Variants in SLAMF7 observed in about 807,000 individuals in gnomAD.
SLAMF7 encodes SLAM family member 7.
A neutral mutation model predicts 34.1 loss-of-function variants in SLAMF7; 26 were observed. The observed-to-expected ratio is 0.76, with a 90% confidence interval of 0.56 to 1.06. SLAMF7 has a LOEUF of 1.06. SLAMF7 is among the 50% of genes least tolerant of loss of function. The pLI, the probability that SLAMF7 is intolerant of heterozygous loss-of-function variation, is 0.00. For missense variants in SLAMF7, 399 were observed against 402.5 expected (o/e 0.99, Z 0.07); for synonymous variants, 171 against 156.4 (o/e 1.09, Z -0.70).
Position 160,740,283 on chromosome 1 carries a change from T to TAA in SLAMF7, c.55+938_55+939dup, listed in dbSNP as rs66898718. Among the ~76,000 whole-genome samples the TAA allele has an allele frequency of 9.3e-3, 1,319 of 141,558 alleles. 11 individuals are homozygous for TAA. Among genetic ancestry groups the TAA allele is most frequent in the African/African-American group, 0.033 (1,261 of 37,890 alleles). The allele number at this position is 141,558 out of a possible 152,430, so 92.9% of individuals were successfully genotyped here. On this transcript the variant is annotated intron_variant, in intron 1 of 6. Coordinates refer to ENST00000368043, the MANE Select transcript of SLAMF7 (RefSeq NM_021181.5). ...GTGGTTCTGGAATAGGCCCTCACTTTAAAAAAAAAAAACAAAAAAAAAACT... is the reference window on the plus strand; with the variant it reads ...GTGGTTCTGGAATAGGCCCTCACTTTAAAAAAAAAAAAAACAAAAAAAAAACT...
At chr1:160,751,477 C>A in intron 5 of SLAMF7, 29 bp downstream of exon 5, 1 of 1,538,864 alleles carries the variant, frequency 6.5e-7, no homozygotes, top group Non-Finnish European at 9.0e-7. Flanking sequence ...TTCCTGAGAA[C>A]TGATCCTGTC....
At chr1:160,751,252 A>G in intron 4 of SLAMF7, 93 bp from the exon 5 acceptor site, 1 of 880,470 alleles carries the variant, frequency 1.1e-6, no homozygotes, top group Non-Finnish European at 1.9e-6. Context: ...CTGGTTGGTC[A>G]CCCTAAGTGG....
At position 160,748,524 on chromosome 1, in the gene SLAMF7, A is replaced by G. The variant is rs1664310750; in HGVS notation, c.376+10A>G. The G allele has an allele frequency of 1.2e-6, 2 of 1,602,502 alleles. No homozygotes were observed. Among genetic ancestry groups the G allele is most frequent in the Non-Finnish European group, 8.5e-7 (1 of 1,172,020 alleles). On this transcript the variant is annotated intron_variant, in intron 2 of 6. Coordinates refer to ENST00000368043, the MANE Select transcript of SLAMF7 (RefSeq NM_021181.5). ...GTGCTGCATGTCTACGGTGAGCAAA[A>G]TCAGTTCCAATGGTGGATGGCTGCC...
chr1:160,753,284 T>G lies in SLAMF7; in HGVS notation c.*107T>G. The G allele has an allele frequency of 1.1e-6, 1 of 925,914 alleles. No individual in the cohort carries two copies. The highest frequency in any genetic ancestry group is 1.7e-5 in the African/African-American group (1 of 59,792). The allele number at this position is 925,914 out of a possible 1,614,324, so 57.4% of individuals were successfully genotyped here. A position where few individuals can be genotyped will look rare whatever the true frequency, so the allele number is the denominator to read the frequency against. On this transcript the variant is annotated 3_prime_UTR_variant, in exon 7 of 7. Coordinates refer to ENST00000368043, the MANE Select transcript of SLAMF7 (RefSeq NM_021181.5). ...TTTGACTAGAAACATCAAGGAAGAA[T>G]GAAGAACGTTGACTTTTTTCCAGGA...
intron 1 of SLAMF7, among the ~76,000 whole-genome samples, chr1:160,741,573 A>G (rs564189414): frequency 3.9e-5 from 6 of 152,074 alleles, no homozygotes; most frequent in Admixed American, 2.0e-4. Context: ...CTTTTTTTTT[A>G]AATCCATGGT....
rs1558062343 is a variant in SLAMF7, at chr1:160,753,221, TTC to T, written c.*47_*48del. ...AAGTCTCTGCTCAAAAAAAAAACAA[TTC>T]TCGGCCCAAAGAAAACAATCAGAAG... is the stretch of plus-strand genomic sequence containing the variant. On this transcript the variant is annotated 3_prime_UTR_variant, in exon 7 of 7. Coordinates refer to ENST00000368043, the MANE Select transcript of SLAMF7 (RefSeq NM_021181.5). 1.3e-6 allele frequency: 2 copies of T among 1,491,436 alleles called. No homozygotes were observed. Among genetic ancestry groups the T allele is most frequent in the Non-Finnish European group, 1.9e-6 (2 of 1,078,962 alleles). The allele number at this position is 1,491,436 out of a possible 1,614,324, so 92.4% of individuals were successfully genotyped here.
chr1:160,747,975 G>A (rs1339682166), intron 1 of SLAMF7, among the ~76,000 whole-genome samples: 2 of 152,158 alleles, frequency 1.3e-5, no homozygotes, highest in Non-Finnish European at 2.9e-5. Flanking sequence ...AACTAAGATT[G>A]TTGTGATACA....
intron 2 of SLAMF7, among the ~76,000 whole-genome samples, 174 bp from the exon 3 acceptor site, chr1:160,749,647 G>T (rs1216997801): frequency 6.6e-6 from 1 of 152,168 alleles, no homozygotes; most frequent in South Asian, 2.1e-4. Flanking sequence ...CTATGGTAAA[G>T]CAGACCTAGG....
intron 6 of SLAMF7, 136 bp from the exon 7 acceptor site, chr1:160,752,970 A>G: frequency 1.4e-6 from 1 of 691,930 alleles, no homozygotes; most frequent in Non-Finnish European, 2.6e-6. Context: ...TTAAAATCAA[A>G]CAGTGGGAGC....
At chr1:160,752,305 A>T in intron 6 of SLAMF7, 57 bp downstream of exon 6, 1 of 1,459,830 alleles carries the variant, frequency 6.9e-7, no homozygotes, top group Non-Finnish European at 9.6e-7. Flanking sequence ...TTCCTGCTTC[A>T]TGTTTAGGTC....
intron 1 of SLAMF7, among the ~76,000 whole-genome samples, chr1:160,739,936 A>T (rs10453972): frequency 6.6e-6 from 1 of 152,158 alleles, no homozygotes; most frequent in Non-Finnish European, 1.5e-5. Context: ...ACAGTTCTCC[A>T]CCTGTCACTG....
chr1:160,752,082 A>G (rs887324435), intron 5 of SLAMF7, 104 bp from the exon 6 acceptor site: 13 of 914,602 alleles, frequency 1.4e-5, no homozygotes, highest in South Asian at 7.6e-5. Context: ...ATCTCCTCCC[A>G]TCTCTGCTTT....
At position 160,748,514 on chromosome 1, in the gene SLAMF7, G is replaced by A. The variant is rs750415535; in HGVS notation, c.376G>A (p.Glu126Lys). The part of the protein sequence containing the change: ...STQEYVLHVY[E>K]HLSKPKVTMG... ...CCAGGAGTACGTGCTGCATGTCTACGGTGAGCAAAATCAGTTCCAATGGTG... is the reference window on the plus strand; with the variant it reads ...CCAGGAGTACGTGCTGCATGTCTACAGTGAGCAAAATCAGTTCCAATGGTG... Residue 126 changes from glutamate (E) to lysine (K), a missense_variant and splice_region_variant, in exon 2 of 7, where the codon GAG (glutamate) becomes AAG (lysine). Glu to Lys is a moderately conservative substitution (Grantham distance 56). Transcript: ENST00000368043. 27 of 1,607,084 alleles carry A rather than the reference G, an allele frequency of 1.7e-5. No individual in the cohort carries two copies. Among genetic ancestry groups the A allele is most frequent in the Middle Eastern group, 1.7e-4 (1 of 6,014 alleles).
rs111989802 is a variant in SLAMF7 at position 160,753,207 on chromosome 1, CA to C, written c.*40del. 1.0e-3 allele frequency: 1,369 copies of C among 1,321,296 alleles called. 1 individual carries two copies. Among genetic ancestry groups the C allele is most frequent in the South Asian group, 3.2e-3 (229 of 72,288 alleles). The allele number at this position is 1,321,296 out of a possible 1,614,324, so 81.8% of individuals were successfully genotyped here. On this transcript the variant is annotated 3_prime_UTR_variant, in exon 7 of 7. Transcript: ENST00000368043. Reference sequence around the variant, plus strand: ...CAGTGCACTCCCCTAAGTCTCTGCTCAAAAAAAAAACAATTCTCGGCCCAAA... The same window carrying C: ...CAGTGCACTCCCCTAAGTCTCTGCTCAAAAAAAAACAATTCTCGGCCCAAA...
intron 4 of SLAMF7, chr1:160,750,801 T>C (rs1368624021): frequency 4.5e-6 from 1 of 222,178 alleles, no homozygotes; most frequent in Non-Finnish European, 9.0e-6. Flanking sequence ...CAGCATCCTC[T>C]AGTCAATCCT....
At chr1:160,742,486 G>A (rs1368150598) in intron 1 of SLAMF7, among the ~76,000 whole-genome samples, 1 of 152,162 alleles carries the variant, frequency 6.6e-6, no homozygotes, top group Non-Finnish European at 1.5e-5. Context: ...ACCAAAAGAT[G>A]GGAAGCCTCC....
At chr1:160,739,470 C>T in intron 1 of SLAMF7, 114 bp downstream of exon 1, 1 of 843,462 alleles carries the variant, frequency 1.2e-6, no homozygotes. Context: ...GTGTTCTCAT[C>T]TAACATTTGC....
chr1:160,750,449 C>T (rs1366397640), intron 4 of SLAMF7, 26 bp downstream of exon 4: 1 of 1,606,900 alleles, frequency 6.2e-7, no homozygotes, highest in Non-Finnish European at 8.5e-7. Flanking sequence ...TTTTTGTCCT[C>T]ACCCACATTC....
Position 160,749,834 on chromosome 1 carries a change from G to T in SLAMF7, c.390G>T (p.Lys130Asn), listed in dbSNP as rs747770070. ...TTCCTCTCACAGAGCACCTGTCAAA[G>T]CCTAAAGTCACCATGGGTCTGCAGA... ...YVLHVYEHLS[K>N]PKVTMGLQSN... Residue 130 changes from lysine to asparagine, a missense_variant, in exon 3 of 7, where the codon AAG becomes AAT. Physicochemically the swap from Lys to Asn is moderately conservative, Grantham distance 94 (BLOSUM62 0). Transcript: ENST00000368043. 1.3e-6 allele frequency: 2 copies of T among 1,598,956 alleles called. No individual in the cohort carries two copies. Among genetic ancestry groups the T allele is most frequent in the Admixed American group, 3.4e-5 (2 of 58,046 alleles).
Sources: gnomAD v4.1 joint callset for allele counts (sites outside exome capture counted in the v4.1 genomes callset) on GRCh38, gnomAD v4.1.1 for gene constraint, MANE v1.5 for transcripts, NCBI Gene and HGNC (gene_info 2026-07-23, HGNC 2026-07-21) for gene names.